The following SPAG17 variants were observed in gnomAD, a reference collection of about 807,000 sequenced individuals.
The protein encoded by SPAG17 is sperm associated antigen 17, also known as sperm-associated antigen 17.
SPAG17 carries 169 observed loss-of-function variants against 273.6 expected under a neutral mutation model. The ratio of observed to expected loss-of-function variants is 0.62; its 90% CI spans 0.55 to 0.70. The LOEUF is 0.70. Among genes scored for constraint, SPAG17 ranks in the 30% least tolerant of loss-of-function variants. The pLI is 0.00. For synonymous variants in SPAG17, 825 were observed against 873.2 expected, an observed-to-expected ratio of 0.94 and a Z score of 0.97; for missense variants, 2,557 against 2,627.8, an observed-to-expected ratio of 0.97 and a Z score of 0.59.
chr1:118,114,650 A>G (rs182364356), intron 4 of SPAG17, among the ~76,000 whole-genome samples: 5 of 152,322 alleles, frequency 3.3e-5, no homozygotes, highest in East Asian at 1.9e-4. Flanking sequence ...TAAGAAAAAC[A>G]TCTTATTTTG....
Position 117,973,565 on chromosome 1 carries a change from T to C in SPAG17, c.6005-4A>G, listed in dbSNP as rs1654807038. ...ACGGGCTCATAAGATTCTGCTTCTG[T>C]TAGAGAGAAAGCTTAAATTATGCCA... On this transcript the variant is annotated splice_region_variant and splice_polypyrimidine_tract_variant and intron_variant, in intron 43 of 48. Coordinates refer to ENST00000336338, the MANE Select transcript of SPAG17 (RefSeq NM_206996.4). 1 of 1,612,786 alleles carries C rather than the reference T, an allele frequency of 6.2e-7. No individual in the cohort carries two copies. The highest frequency in any genetic ancestry group is 8.5e-7 in the Non-Finnish European group (1 of 1,179,136).
At chr1:118,157,813 A>G (rs1389220034) in intron 1 of SPAG17, among the ~76,000 whole-genome samples, 1 of 152,240 alleles carries the variant, frequency 6.6e-6, no homozygotes, top group Non-Finnish European at 1.5e-5. Flanking sequence ...AGATTGAATG[A>G]GAAAACCTAT....
intron 29 of SPAG17, among the ~76,000 whole-genome samples, chr1:118,015,262 C>T (rs920103256): frequency 1.4e-5 from 2 of 147,700 alleles, no homozygotes; most frequent in African/African-American, 5.0e-5. Context: ...CAACAGCAAA[C>T]CTCTGTGTCA....
At chr1:118,015,885 T>C in intron 29 of SPAG17, 80 bp downstream of exon 29, 1 of 1,207,810 alleles carries the variant, frequency 8.3e-7, no homozygotes, top group Non-Finnish European at 1.2e-6. Flanking sequence ...AAAAATATTA[T>C]CAGCTAGGCA....
chr1:118,047,233 T>TG (rs1650460209), intron 20 of SPAG17, among the ~76,000 whole-genome samples: 1 of 152,192 alleles, frequency 6.6e-6, no homozygotes, highest in Non-Finnish European at 1.5e-5. Context: ...ATCAGCAAGA[T>TG]GGTGGAATAG....
chr1:118,152,836 T>A (rs1659464362), intron 1 of SPAG17, among the ~76,000 whole-genome samples: 1 of 152,210 alleles, frequency 6.6e-6, no homozygotes, highest in Non-Finnish European at 1.5e-5. Flanking sequence ...ATTAGATGCC[T>A]TTTTTCTCTT....
At chr1:118,085,407 C>G (rs1411733020) in intron 13 of SPAG17, among the ~76,000 whole-genome samples, 1 of 152,156 alleles carries the variant, frequency 6.6e-6, no homozygotes, top group Non-Finnish European at 1.5e-5. Context: ...AATGTCTCTG[C>G]AATGTTACTG....
intron 15 of SPAG17, among the ~76,000 whole-genome samples, chr1:118,078,290 T>C (rs1289309107): frequency 6.6e-6 from 1 of 152,096 alleles, no homozygotes; most frequent in Non-Finnish European, 1.5e-5. Context: ...TTTTATCCAA[T>C]TTTGGCCCAT....
intron 42 of SPAG17, among the ~76,000 whole-genome samples, chr1:117,981,973 T>A (rs1355155534): frequency 6.6e-6 from 1 of 152,184 alleles, no homozygotes; most frequent in Non-Finnish European, 1.5e-5. Flanking sequence ...CTGAAAAGAC[T>A]TCCGCAGTCT....
At chr1:118,019,077 T>A (rs1660255156) in intron 28 of SPAG17, among the ~76,000 whole-genome samples, 1 of 145,666 alleles carries the variant, frequency 6.9e-6, no homozygotes, top group African/African-American at 2.5e-5. Context: ...GCTCAAGAAT[T>A]TAGAATTAAA....
intron 15 of SPAG17, among the ~76,000 whole-genome samples, chr1:118,080,313 A>G (rs1654439992): frequency 6.6e-6 from 1 of 152,234 alleles, no homozygotes; most frequent in East Asian, 1.9e-4. Context: ...ATAGTCAAAA[A>G]GAGAACTCAG....
At chr1:118,058,805 C>T (rs941408093) in intron 18 of SPAG17, among the ~76,000 whole-genome samples, 1 of 152,030 alleles carries the variant, frequency 6.6e-6, no homozygotes, top group Non-Finnish European at 1.5e-5. Context: ...GAAAGACCAT[C>T]TAAAAATATT....
intron 15 of SPAG17, among the ~76,000 whole-genome samples, chr1:118,074,845 C>A (rs1653944723): frequency 6.6e-6 from 1 of 152,244 alleles, no homozygotes; most frequent in Non-Finnish European, 1.5e-5. Flanking sequence ...TATCTTAAAT[C>A]ATACCAGATA....
At chr1:118,115,499 G>C in intron 3 of SPAG17, 58 bp from the exon 4 acceptor site, 2 of 1,488,860 alleles carry the variant, frequency 1.3e-6, no homozygotes, top group Non-Finnish European at 1.8e-6. Context: ...GGCACAGTCT[G>C]TCAGTGATGA....
At chr1:118,144,184 C>G (rs1007272344) in intron 3 of SPAG17, among the ~76,000 whole-genome samples, 53 of 152,330 alleles carry the variant, frequency 3.5e-4, no homozygotes, top group African/African-American at 1.2e-3. Context: ...GGGAGGCAAA[C>G]GTATTCACAC....
At chr1:117,966,426 A>AT (rs1333386682) in intron 47 of SPAG17, 183 bp downstream of exon 47, 4 of 508,170 alleles carry the variant, frequency 7.9e-6, no homozygotes, top group South Asian at 4.7e-5. Flanking sequence ...TGTGTCAGGT[A>AT]TTTTTTTAGA....
At chr1:118,066,115 C>T (rs1232444114) in intron 18 of SPAG17, among the ~76,000 whole-genome samples, 1 of 151,914 alleles carries the variant, frequency 6.6e-6, no homozygotes, top group Admixed American at 6.6e-5. Context: ...TTATGTAAGT[C>T]CATTCTGTAA....
intron 20 of SPAG17, among the ~76,000 whole-genome samples, chr1:118,043,508 A>G (rs539841399): frequency 6.6e-6 from 1 of 152,348 alleles, no homozygotes; most frequent in Non-Finnish European, 1.5e-5. Context: ...ATTTTGTGAC[A>G]TTTCACTATT....
chr1:118,064,031 A>G (rs1319462501), intron 18 of SPAG17, among the ~76,000 whole-genome samples: 1 of 152,154 alleles, frequency 6.6e-6, no homozygotes, highest in Non-Finnish European at 1.5e-5. Flanking sequence ...CAAAACCACA[A>G]TGAGATACCA....
Sources: gnomAD v4.1 joint callset for allele counts (sites outside exome capture counted in the v4.1 genomes callset) on GRCh38, gnomAD v4.1.1 for gene constraint, MANE v1.5 for transcripts, NCBI Gene and HGNC (gene_info 2026-07-23, HGNC 2026-07-21) for gene names.